Variants in FGF1 observed in about 807,000 individuals in gnomAD.
The protein encoded by FGF1 is beta-endothelial cell growth factor.
Under a neutral mutation model 13.4 loss-of-function variants are expected in FGF1, and 9 were observed. The observed-to-expected ratio is 0.67, with a 90% CI of 0.40 to 1.17. FGF1 has a LOEUF of 1.17. Among genes scored for constraint, FGF1 ranks in the 50% most tolerant of loss-of-function variants. FGF1 has a pLI of 0.01. For synonymous variants in FGF1, 93 were observed against 79.0 expected, an observed-to-expected ratio of 1.18 and a Z score of -0.94; for missense variants, 156 against 192.7, an observed-to-expected ratio of 0.81 and a Z score of 1.13.
intron 2 of FGF1, 51 bp from the exon 3 acceptor site, chr5:142,600,856 G>A (rs1054986355): frequency 8.0e-6 from 11 of 1,368,410 alleles, no homozygotes; most frequent in African/African-American, 4.3e-5. Context: ...CGCTTTTGCC[G>A]ATAGGACCCG....
intron 1 of FGF1, among the ~76,000 whole-genome samples, chr5:142,648,206 A>G (rs1766535514): frequency 6.6e-6 from 1 of 152,196 alleles, no homozygotes; most frequent in African/African-American, 2.4e-5. Flanking sequence ...CTTCACACAC[A>G]CGTATGTTTA....
intron 1 of FGF1, among the ~76,000 whole-genome samples, chr5:142,670,791 G>A (rs538275711): frequency 3.3e-5 from 5 of 152,296 alleles, no homozygotes; most frequent in South Asian, 2.1e-4. Flanking sequence ...GTCTCGGCCC[G>A]ATGTTGGGTT....
At chr5:142,609,025 C>T (rs914247238) in intron 2 of FGF1, among the ~76,000 whole-genome samples, 2 of 151,894 alleles carry the variant, frequency 1.3e-5, no homozygotes, top group Non-Finnish European at 2.9e-5. Context: ...GTTTTGACTT[C>T]GGGTCTATGT....
At chr5:142,605,953 G>T (rs369764223) in intron 2 of FGF1, among the ~76,000 whole-genome samples, 1 of 152,088 alleles carries the variant, frequency 6.6e-6, no homozygotes, top group Non-Finnish European at 1.5e-5. Context: ...GAGAGGGAGG[G>T]GCTGGCCACA....
chr5:142,608,718 TACACACACAC>T (rs1024990221), intron 2 of FGF1, among the ~76,000 whole-genome samples: 1 of 146,872 alleles, frequency 6.8e-6, no homozygotes, highest in African/African-American at 2.5e-5. Context: ...CATATATATA[TACACACACAC>T]ATATATATCA....
chr5:142,616,607 T>G (rs558966031), intron 1 of FGF1, among the ~76,000 whole-genome samples: 1 of 152,172 alleles, frequency 6.6e-6, no homozygotes, highest in Non-Finnish European at 1.5e-5. Flanking sequence ...CATAAGCCTC[T>G]AAGTCCTTCT....
intron 1 of FGF1, among the ~76,000 whole-genome samples, chr5:142,665,752 G>T (rs926978378): frequency 6.6e-6 from 1 of 152,154 alleles, no homozygotes; most frequent in Non-Finnish European, 1.5e-5. Context: ...TCCCACTGAA[G>T]GTTCTACAGT....
intron 2 of FGF1, 139 bp downstream of exon 2, chr5:142,613,820 G>A (rs1161714328): frequency 3.4e-6 from 3 of 870,174 alleles, no homozygotes; most frequent in South Asian, 2.2e-5. Context: ...ACGCATTTAT[G>A]TGACTCCACC....
At position 142,594,250 on chromosome 5, in the gene FGF1, G is replaced by T. The variant is rs895506301; in HGVS notation, c.*1040C>A. The T allele has an allele frequency of 6.6e-6, 1 of 152,182 alleles. No individual in the cohort carries two copies. 9.4% of individuals were successfully genotyped at this position (152,182 alleles called of 1,614,324 possible). A position where few individuals can be genotyped will look rare whatever the true frequency, so the allele number is the denominator to read the frequency against. On this transcript the variant is annotated 3_prime_UTR_variant, in exon 4 of 4. Transcript: ENST00000337706. ...CAGTATTGTCAGCACCTGCACCTGG[G>T]GGGGACCTGATGGAACTGCAGAAAC...
chr5:142,608,924 C>T (rs1004900064), intron 2 of FGF1, among the ~76,000 whole-genome samples: 4 of 151,804 alleles, frequency 2.6e-5, no homozygotes, highest in African/African-American at 9.7e-5. Flanking sequence ...AGAACCCTGT[C>T]GCGGAGTACA....
intron 2 of FGF1, among the ~76,000 whole-genome samples, chr5:142,693,087 T>C (rs914858835): frequency 6.6e-6 from 1 of 152,166 alleles, no homozygotes; most frequent in Non-Finnish European, 1.5e-5. Context: ...TCTCCTGGTT[T>C]AGACTCTAAG....
At chr5:142,651,512 A>G (rs1767243848) in intron 1 of FGF1, among the ~76,000 whole-genome samples, 1 of 152,146 alleles carries the variant, frequency 6.6e-6, no homozygotes, top group African/African-American at 2.4e-5. Flanking sequence ...CCCAGGGTCC[A>G]TAGTTTATTT....
chr5:142,620,578 G>A (rs1036667772), intron 1 of FGF1, among the ~76,000 whole-genome samples: 1 of 152,138 alleles, frequency 6.6e-6, no homozygotes, highest in Non-Finnish European at 1.5e-5. Context: ...TAATGACATA[G>A]CCTCAAAATA....
chr5:142,627,208 C>T (rs1422762153), intron 1 of FGF1: 2 of 152,162 alleles, frequency 1.3e-5, no homozygotes, highest in Non-Finnish European at 2.9e-5. Flanking sequence ...TGTGTAGACA[C>T]TATATGAGGT....
chr5:142,626,164 G>A (rs1398467326), intron 1 of FGF1, among the ~76,000 whole-genome samples: 2 of 152,026 alleles, frequency 1.3e-5, no homozygotes, highest in African/African-American at 4.8e-5. Flanking sequence ...TTTTGTTTTT[G>A]TTTTTGTTTT....
chr5:142,661,453 T>C (rs1230337505), intron 1 of FGF1, among the ~76,000 whole-genome samples: 2 of 152,202 alleles, frequency 1.3e-5, no homozygotes, highest in Admixed American at 1.3e-4. Flanking sequence ...AGCATAGCGT[T>C]ACCATATGAC....
chr5:142,628,354 C>G (rs1762800113), intron 1 of FGF1, among the ~76,000 whole-genome samples: 1 of 152,054 alleles, frequency 6.6e-6, no homozygotes, highest in Non-Finnish European at 1.5e-5. Flanking sequence ...ACTAAAAATA[C>G]AAAAAATTAG....
At chr5:142,696,037 G>A (rs1324737859) in intron 2 of FGF1, among the ~76,000 whole-genome samples, 1 of 152,148 alleles carries the variant, frequency 6.6e-6, no homozygotes. Flanking sequence ...ACCCATGTGA[G>A]CATGGGCAAT....
At chr5:142,602,917 A>G (rs922770904) in intron 2 of FGF1, among the ~76,000 whole-genome samples, 1 of 152,136 alleles carries the variant, frequency 6.6e-6, no homozygotes, top group Non-Finnish European at 1.5e-5. Context: ...AGGATGATTC[A>G]TAGTTTCATC....
Sources: gnomAD v4.1 joint callset for allele counts (sites outside exome capture counted in the v4.1 genomes callset) on GRCh38, gnomAD v4.1.1 for gene constraint, MANE v1.5 for transcripts, NCBI Gene and HGNC (gene_info 2026-07-23, HGNC 2026-07-21) for gene names.